Variants in COL15A1 observed in about 807,000 individuals in gnomAD.
The protein encoded by COL15A1 is collagen alpha-1(XV) chain.
Under a neutral mutation model 165.9 loss-of-function variants are expected in COL15A1, and 111 were observed. The ratio of observed to expected loss-of-function variants is 0.67; its 90% CI spans 0.57 to 0.78. The LOEUF is 0.78. Ranked by LOEUF, COL15A1 falls within the 30% of genes least tolerant of loss-of-function variation. COL15A1 has a pLI of 0.00. For missense variants in COL15A1, 1,745 were observed against 1,789.7 expected (o/e 0.98, Z 0.45); for synonymous variants, 659 against 674.8 (o/e 0.98, Z 0.36).
Position 99,056,279 on chromosome 9 carries a change from T to C in COL15A1, c.3212T>C (p.Val1071Ala). 1 of 1,614,214 alleles carries C rather than the reference T, an allele frequency of 6.2e-7. No individual in the cohort carries two copies. The highest frequency in any genetic ancestry group is 8.5e-7 in the Non-Finnish European group (1 of 1,180,018). ...TGACAGGGCCAAAAAGGGGAGACAGTCGTTGGGCCCCAAGGACCCCCAGGT... is the reference window on the plus strand; with the variant it reads ...TGACAGGGCCAAAAAGGGGAGACAGCCGTTGGGCCCCAAGGACCCCCAGGT... ...PGPAGQKGET[V>A]VGPQGPPGAP... The change falls in exon 35 of 42, where the codon GTC becomes GCC. Residue 1071 changes from valine to alanine, a missense_variant. By Grantham distance (64) the Val-to-Ala change is moderately conservative. Transcript: ENST00000375001.
Position 98,968,282 on chromosome 9 carries a change from A to C in COL15A1, c.101-17283A>C, listed in dbSNP as rs897867534. Among the ~76,000 whole-genome samples the C allele has an allele frequency of 6.2e-4, 94 of 152,362 alleles. 1 individual carries two copies. Among genetic ancestry groups the C allele is most frequent in the African/African-American group, 2.2e-3 (93 of 41,586 alleles). Reference sequence around the variant, plus strand: ...CATTCAGTGAATGTGTGAGTTTCCTAGGGCTGCGGTAACAAACGACCACAA... The same window carrying C: ...CATTCAGTGAATGTGTGAGTTTCCTCGGGCTGCGGTAACAAACGACCACAA... On this transcript the variant is annotated intron_variant, in intron 2 of 41. Transcript: ENST00000375001.
intron 35 of COL15A1, 133 bp from the exon 36 acceptor site, chr9:99,059,756 A>C: frequency 1.1e-6 from 1 of 901,576 alleles, no homozygotes; most frequent in South Asian, 1.6e-5. Flanking sequence ...CACCCAAGAT[A>C]CAGGTGGAAG....
intron 24 of COL15A1, 147 bp downstream of exon 24, chr9:99,042,254 G>A (rs1588529961): frequency 1.7e-6 from 1 of 595,132 alleles, no homozygotes; most frequent in Non-Finnish European, 3.0e-6. Flanking sequence ...GTACAATTCA[G>A]TGATTTTTGG....
intron 38 of COL15A1, among the ~76,000 whole-genome samples, chr9:99,062,785 G>T (rs1825836789): frequency 6.6e-6 from 1 of 152,036 alleles, no homozygotes; most frequent in African/African-American, 2.4e-5. Context: ...TGAAAGAGTT[G>T]GTGATTAAAC....
At chr9:98,982,131 T>G (rs12005080) in intron 2 of COL15A1, among the ~76,000 whole-genome samples, 32,814 of 151,768 alleles carry the variant, frequency 0.22, 3,935 homozygotes, top group African/African-American at 0.32. Context: ...ATGATATATA[T>G]AGAGAGAGAT....
intron 16 of COL15A1, among the ~76,000 whole-genome samples, chr9:99,028,556 T>C (rs1839166657): frequency 6.6e-6 from 1 of 151,808 alleles, no homozygotes; most frequent in African/African-American, 2.4e-5. Flanking sequence ...GAGGCTGAGG[T>C]GGGAGAATCG....
chr9:98,980,592 AG>A (rs998186815), intron 2 of COL15A1, among the ~76,000 whole-genome samples: 6 of 152,200 alleles, frequency 3.9e-5, no homozygotes, highest in African/African-American at 1.4e-4. Flanking sequence ...GGGCCTCTTG[AG>A]CCAGGTGGCA....
chr9:98,946,922 G>A (rs1053401864), intron 2 of COL15A1, among the ~76,000 whole-genome samples: 1 of 152,172 alleles, frequency 6.6e-6, no homozygotes. Context: ...TAAGTGGGGT[G>A]GCTTCTGAAA....
At chr9:99,037,038 C>T (rs999192923) in intron 21 of COL15A1, among the ~76,000 whole-genome samples, 5 of 152,330 alleles carry the variant, frequency 3.3e-5, no homozygotes, top group African/African-American at 7.2e-5. Context: ...TTTATGTGCT[C>T]CCTTTAGATG....
chr9:98,946,929 G>C (rs1837595592), intron 2 of COL15A1, among the ~76,000 whole-genome samples: 1 of 152,212 alleles, frequency 6.6e-6, no homozygotes, highest in Non-Finnish European at 1.5e-5. Flanking sequence ...GGTGGCTTCT[G>C]AAAGCATGTT....
intron 2 of COL15A1, among the ~76,000 whole-genome samples, chr9:98,950,964 A>G (rs575280006): frequency 1.2e-4 from 19 of 152,280 alleles, no homozygotes; most frequent in Admixed American, 5.9e-4. Context: ...CTTGGCCACC[A>G]TCTTCTCTGG....
At chr9:98,990,540 T>C (rs1315849353) in intron 5 of COL15A1, among the ~76,000 whole-genome samples, 1 of 152,236 alleles carries the variant, frequency 6.6e-6, no homozygotes, top group African/African-American at 2.4e-5. Flanking sequence ...AGAGTGGCCT[T>C]CACATCTGAT....
At chr9:98,951,587 A>G (rs1223976205) in intron 2 of COL15A1, among the ~76,000 whole-genome samples, 2 of 152,116 alleles carry the variant, frequency 1.3e-5, no homozygotes, top group East Asian at 1.9e-4. Flanking sequence ...ATTTTTTGGG[A>G]CAGGGTCTTC....
chr9:98,994,531 C>T (rs1838511111), intron 5 of COL15A1, among the ~76,000 whole-genome samples: 1 of 152,174 alleles, frequency 6.6e-6, no homozygotes, highest in Non-Finnish European at 1.5e-5. Flanking sequence ...TCCCATGCAT[C>T]ACTCCGAATC....
rs373245411 is a variant in COL15A1 at position 98,989,300 on chromosome 9, T to C, written c.804+42T>C. 3.6e-5 allele frequency: 54 copies of C among 1,508,526 alleles called. 1 individual carries two copies. The East Asian group carries it at 4.1e-4, about 11-fold the overall frequency. The allele number at this position is 1,508,526 out of a possible 1,614,324, so 93.4% of individuals were successfully genotyped here. On this transcript the variant is annotated intron_variant, in intron 5 of 41. Transcript: ENST00000375001. Reference sequence around the variant, plus strand: ...TGTGCCATGTGATCTTGCTCAGCTTTTAGCAGGCTGAGAATTACTAGAGGG... The same window carrying C: ...TGTGCCATGTGATCTTGCTCAGCTTCTAGCAGGCTGAGAATTACTAGAGGG...
intron 5 of COL15A1, among the ~76,000 whole-genome samples, chr9:98,995,307 C>T (rs1199288186): frequency 6.6e-6 from 1 of 152,134 alleles, no homozygotes; most frequent in African/African-American, 2.4e-5. Flanking sequence ...CCACTGCTGC[C>T]CTGGTTCCTG....
chr9:98,971,986 C>T (rs1838064679), intron 2 of COL15A1, among the ~76,000 whole-genome samples: 1 of 152,194 alleles, frequency 6.6e-6, no homozygotes, highest in Admixed American at 6.5e-5. Flanking sequence ...GTACTGACAG[C>T]TTGAGAGTGC....
intron 17 of COL15A1, 86 bp downstream of exon 17, chr9:99,034,670 G>A: frequency 6.8e-7 from 1 of 1,466,898 alleles, no homozygotes. Flanking sequence ...GGACTGCTGG[G>A]CTGGAATATT....
At chr9:99,015,052 T>C (rs1564056279) in intron 9 of COL15A1, among the ~76,000 whole-genome samples, 1 of 152,212 alleles carries the variant, frequency 6.6e-6, no homozygotes, top group Non-Finnish European at 1.5e-5. Flanking sequence ...TTAGTAGCTA[T>C]CTTTTTAAGG....
Sources: allele counts gnomAD v4.1 joint callset (sites outside exome capture counted in the v4.1 genomes callset), GRCh38; gene constraint gnomAD v4.1.1; transcripts MANE v1.5; gene names NCBI Gene and HGNC (gene_info 2026-07-23, HGNC 2026-07-21).